Variants in COL4A2 observed in about 807,000 individuals in gnomAD.
The protein encoded by COL4A2 is collagen type IV alpha 2 chain.
In COL4A2, 99 loss-of-function variants were observed where a neutral mutation model predicts 200.2. The ratio of observed to expected loss-of-function variants is 0.49; its 90% CI spans 0.42 to 0.58. The LOEUF is 0.58. Among genes scored for constraint, COL4A2 ranks in the 20% least tolerant of loss-of-function variants. COL4A2 has a pLI of 0.00. For missense variants in COL4A2, 1,950 were observed against 2,314.1 expected, an observed-to-expected ratio of 0.84 and a Z score of 3.23; for synonymous variants, 897 against 900.6, an observed-to-expected ratio of 1.00 and a Z score of 0.07.
At chr13:110,509,075 A>G (rs1003091255) in intron 47 of COL4A2, among the ~76,000 whole-genome samples, 43 of 151,934 alleles carry the variant, frequency 2.8e-4, no homozygotes, top group Admixed American at 7.9e-4. Context: ...AAACTCAAAA[A>G]TCCTAAGTCT....
chr13:110,395,742 C>G (rs1489590314), intron 4 of COL4A2, among the ~76,000 whole-genome samples: 2 of 152,052 alleles, frequency 1.3e-5, no homozygotes, highest in Non-Finnish European at 2.9e-5. Flanking sequence ...GTCAGGAGTT[C>G]GAGACCAGCC....
At chr13:110,460,738 T>G (rs1330758331) in intron 22 of COL4A2, among the ~76,000 whole-genome samples, 1 of 152,174 alleles carries the variant, frequency 6.6e-6, no homozygotes, top group Non-Finnish European at 1.5e-5. Context: ...TTTTTATTGT[T>G]GTTTTTGGTT....
intron 4 of COL4A2, among the ~76,000 whole-genome samples, chr13:110,418,318 C>T (rs4390462): frequency 0.52 from 78,628 of 151,968 alleles, 21,393 homozygotes; most frequent in Admixed American, 0.61. Context: ...CCAGTCTGTC[C>T]CCTGCCTTTT....
chr13:110,391,608 A>G (rs753675191), intron 4 of COL4A2, among the ~76,000 whole-genome samples: 4 of 152,268 alleles, frequency 2.6e-5, no homozygotes, highest in Non-Finnish European at 4.4e-5. Context: ...AATTGGCTCT[A>G]CCGCTTACTA....
chr13:110,395,277 C>G (rs142293318), intron 4 of COL4A2, among the ~76,000 whole-genome samples: 1 of 152,376 alleles, frequency 6.6e-6, no homozygotes, highest in Non-Finnish European at 1.5e-5. Flanking sequence ...TAGAACAAGT[C>G]ACTCTTCCTT....
chr13:110,342,890 A>G (rs916549106), intron 3 of COL4A2, among the ~76,000 whole-genome samples: 1 of 152,168 alleles, frequency 6.6e-6, no homozygotes, highest in African/African-American at 2.4e-5. Flanking sequence ...ATCTTCTTGC[A>G]AACACTCCAG....
At chr13:110,383,506 T>C (rs1294489980) in intron 4 of COL4A2, among the ~76,000 whole-genome samples, 2 of 152,078 alleles carry the variant, frequency 1.3e-5, no homozygotes, top group Non-Finnish European at 2.9e-5. Context: ...ATAGATTTTG[T>C]TGGGGGGTGA....
intron 4 of COL4A2, among the ~76,000 whole-genome samples, chr13:110,366,064 C>G (rs1033080961): frequency 1.3e-5 from 2 of 152,130 alleles, no homozygotes; most frequent in Non-Finnish European, 2.9e-5. Context: ...ATCCTTTTTT[C>G]CGACCTCCTG....
At chr13:110,485,566 AGC>A in intron 33 of COL4A2, 87 bp from the exon 34 acceptor site, 1 of 841,278 alleles carries the variant, frequency 1.2e-6, no homozygotes, top group African/African-American at 1.7e-5. Flanking sequence ...CACGTAGGAC[AGC>A]AAAATGCATC....
At chr13:110,346,672 G>A (rs563187834) in intron 3 of COL4A2, among the ~76,000 whole-genome samples, 14 of 152,264 alleles carry the variant, frequency 9.2e-5, no homozygotes, top group East Asian at 1.9e-4. Context: ...AGCTCAACCC[G>A]GCCCCTTTGG....
chr13:110,359,830 AG>A (rs1258916084), intron 4 of COL4A2, among the ~76,000 whole-genome samples: 1 of 152,196 alleles, frequency 6.6e-6, no homozygotes, highest in Non-Finnish European at 1.5e-5. Flanking sequence ...ACAACTGAGG[AG>A]GCTTCCTGCC....
intron 3 of COL4A2, among the ~76,000 whole-genome samples, chr13:110,319,117 G>A (rs1391443588): frequency 6.6e-6 from 1 of 151,948 alleles, no homozygotes; most frequent in Non-Finnish European, 1.5e-5. Context: ...TGGGTGCGGG[G>A]GCCTGTGGGG....
intron 28 of COL4A2, among the ~76,000 whole-genome samples, chr13:110,471,210 A>G (rs1454909386): frequency 6.6e-6 from 1 of 152,252 alleles, no homozygotes; most frequent in East Asian, 1.9e-4. Flanking sequence ...GTGCCCAGCC[A>G]TGTGTGCGTG....
intron 4 of COL4A2, among the ~76,000 whole-genome samples, chr13:110,417,396 G>A (rs1393534526): frequency 6.6e-6 from 1 of 152,084 alleles, no homozygotes; most frequent in Non-Finnish European, 1.5e-5. Flanking sequence ...ACATAATCTC[G>A]GTCGCCGGGC....
intron 47 of COL4A2, among the ~76,000 whole-genome samples, chr13:110,510,671 A>C (rs1185106291): frequency 6.6e-6 from 1 of 152,138 alleles, no homozygotes; most frequent in African/African-American, 2.4e-5. Flanking sequence ...AGTGTACACC[A>C]TGTGTGTGCA....
At chr13:110,386,017 G>A (rs111550761) in intron 4 of COL4A2, among the ~76,000 whole-genome samples, 5,458 of 78,142 alleles carry the variant, frequency 0.07, 471 homozygotes, top group Middle Eastern at 0.11. Context: ...GCGTGTGGAT[G>A]GGCCGTGGTT....
intron 21 of COL4A2, chr13:110,457,686 C>T (rs1475171013): frequency 1.6e-6 from 1 of 638,640 alleles, no homozygotes; most frequent in Non-Finnish European, 3.0e-6. Context: ...CACTGACCTT[C>T]CTAGCAGCAG....
At chr13:110,442,155 A>AATG (rs1464716119) in intron 16 of COL4A2, among the ~76,000 whole-genome samples, 1 of 150,576 alleles carries the variant, frequency 6.6e-6, no homozygotes, top group Non-Finnish European at 1.5e-5. Context: ...CTCCAAAGTT[A>AATG]ATGAAAGACA....
At chr13:110,490,414 C>T (rs1048267154) in intron 36 of COL4A2, among the ~76,000 whole-genome samples, 1 of 152,212 alleles carries the variant, frequency 6.6e-6, no homozygotes, top group African/African-American at 2.4e-5. Flanking sequence ...CAGGGGCTTG[C>T]AGGGCTGGCC....
Sources: gnomAD v4.1 joint callset for allele counts (sites outside exome capture counted in the v4.1 genomes callset) on GRCh38, gnomAD v4.1.1 for gene constraint, MANE v1.5 for transcripts, NCBI Gene and HGNC (gene_info 2026-07-23, HGNC 2026-07-21) for gene names.